TET3: variants seen among roughly 807,000 people sequenced by gnomAD.
The protein encoded by TET3 is methylcytosine dioxygenase TET3.
A neutral mutation model predicts 141.4 loss-of-function variants in TET3; 19 were observed. The observed-to-expected ratio is 0.13, with a 90% CI of 0.09 to 0.20. TET3 has a LOEUF of 0.20. TET3 is among the 10% of genes least tolerant of loss of function. The pLI is 1.00. For missense variants in TET3, 1,874 were observed against 2,356.9 expected (o/e 0.80, Z 4.24); for synonymous variants, 1,043 against 980.9 (o/e 1.06, Z -1.18).
intron 2 of TET3, among the ~76,000 whole-genome samples, chr2:74,001,711 C>G (rs770970541): frequency 3.3e-5 from 5 of 152,188 alleles, no homozygotes; most frequent in Non-Finnish European, 5.9e-5. Flanking sequence ...TCTCCCCTCT[C>G]TGTTCTTTCT....
chr2:73,990,078 C>CATT lies in TET3; in HGVS notation c.303+3374_303+3376dup, dbSNP rs558502846. ...GAATCTTTATGCATAAACAACTGTG[C>CATT]ATTAGTCTTCGAGCTGTAAAGATGC... is the stretch of plus-strand genomic sequence containing the variant. On this transcript the variant is annotated intron_variant, in intron 2 of 11. Transcript: ENST00000409262. Among the ~76,000 whole-genome samples the CATT allele has an allele frequency of 1.1e-3, 161 of 152,168 alleles. 1 individual carries two copies. Among genetic ancestry groups the CATT allele is most frequent in the Middle Eastern group, 3.4e-3 (1 of 294 alleles).
chr2:73,991,540 C>G (rs560840421), intron 2 of TET3, among the ~76,000 whole-genome samples: 3 of 152,216 alleles, frequency 2.0e-5, no homozygotes, highest in African/African-American at 7.2e-5. Flanking sequence ...GCCACTGATA[C>G]GACTGCCCTG....
intron 4 of TET3, among the ~76,000 whole-genome samples, chr2:74,061,236 C>T (rs1184965359): frequency 2.1e-5 from 3 of 140,022 alleles, no homozygotes; most frequent in Non-Finnish European, 4.7e-5. Context: ...GCTGGCCGGG[C>T]GGGGGGCTGA....
At chr2:74,116,637 A>C in the TET3 span, among the ~76,000 whole-genome samples, 8 of 150,486 alleles carry the variant, frequency 5.3e-5, no homozygotes, top group Non-Finnish European at 1.2e-4. Flanking sequence ...GTGAGCCCAG[A>C]TAGCGCCACT....
In TET3 at chr2:74,078,427, T is replaced by G. The variant is rs373797861; in HGVS notation, c.2586-2071T>G. Among the ~76,000 whole-genome samples, 264 of 152,148 alleles carry G rather than the reference T, an allele frequency of 1.7e-3. 2 individuals carry two copies. The highest frequency in any genetic ancestry group is 6.2e-3 in the African/African-American group (256 of 41,448). ...ATTATACCCACTGTCTGTAGCTTGC[T>G]TTTTCCCCCCCACTTAATTTCTTTC... On this transcript the variant is annotated intron_variant, in intron 5 of 11. Transcript: ENST00000409262.
intron 3 of TET3, among the ~76,000 whole-genome samples, chr2:74,029,970 T>G (rs1686585182): frequency 6.6e-6 from 1 of 152,240 alleles, no homozygotes; most frequent in African/African-American, 2.4e-5. Flanking sequence ...CTGCACATGT[T>G]AGTGATAGTG....
rs1270431073 is a variant in TET3, at chr2:73,986,397, C to T, written c.-7C>T. ...CCAGCACCTATGACCCCACCTCTGG[C>T]AGCATCATGAGCCAGTTTCAGGTGC... On this transcript the variant is annotated 5_prime_UTR_variant, in exon 2 of 12. Transcript: ENST00000409262. 1 of 1,232,214 alleles carries T rather than the reference C, an allele frequency of 8.1e-7. No individual in the cohort carries two copies. Among genetic ancestry groups the T allele is most frequent in the Non-Finnish European group, 1.0e-6 (1 of 988,078 alleles). 76.3% of individuals were successfully genotyped at this position (1,232,214 alleles called of 1,614,324 possible). A position where few individuals can be genotyped will look rare whatever the true frequency, so the allele number is the denominator to read the frequency against.
intron 4 of TET3, among the ~76,000 whole-genome samples, 169 bp downstream of exon 4, chr2:74,048,580 G>T (rs779939492): frequency 9.9e-5 from 15 of 152,224 alleles, no homozygotes; most frequent in Non-Finnish European, 1.8e-4. Context: ...GACATTGAAA[G>T]AAATTGACGT....
At chr2:74,097,676 T>C (rs1438445121) in intron 10 of TET3, among the ~76,000 whole-genome samples, 1 of 152,158 alleles carries the variant, frequency 6.6e-6, no homozygotes, top group East Asian at 1.9e-4. Flanking sequence ...GTAGCTACAC[T>C]GGGGAAGTTT....
At position 74,044,152 on chromosome 2, in the gene TET3, G is replaced by T. The variant is rs188333874; in HGVS notation, c.361-2126G>T. Among the ~76,000 whole-genome samples, 45 of 152,302 alleles carry T rather than the reference G, an allele frequency of 3.0e-4. No individual in the cohort carries two copies. The East Asian group carries it at 8.3e-3, about 28-fold the overall frequency. ...ACCACTGCAGGAGTTCAAGGCTGCAGTGAACTATGATCATGCCACTGAACT... is the reference window on the plus strand; with the variant it reads ...ACCACTGCAGGAGTTCAAGGCTGCATTGAACTATGATCATGCCACTGAACT... On this transcript the variant is annotated intron_variant, in intron 3 of 11. Coordinates refer to ENST00000409262, the MANE Select transcript of TET3 (RefSeq NM_001287491.2).
At chr2:74,007,774 C>T (rs1240990703) in intron 3 of TET3, among the ~76,000 whole-genome samples, 4 of 152,220 alleles carry the variant, frequency 2.6e-5, no homozygotes, top group African/African-American at 7.2e-5. Flanking sequence ...AAGTTTTTCT[C>T]AGACTAAATC....
At chr2:74,031,041 G>C (rs1490920838) in intron 3 of TET3, among the ~76,000 whole-genome samples, 2 of 152,232 alleles carry the variant, frequency 1.3e-5, no homozygotes, top group Admixed American at 6.5e-5. Context: ...AAATGTGATG[G>C]GCTTAAGTTG....
chr2:74,113,128 C>G (rs1359460096), downstream of TET3, among the ~76,000 whole-genome samples: 6 of 151,204 alleles, frequency 4.0e-5, no homozygotes, highest in Non-Finnish European at 8.8e-5. Flanking sequence ...CAGTGGCTCA[C>G]ACCTATAATC....
At chr2:74,016,551 G>C (rs761581170) in intron 3 of TET3, among the ~76,000 whole-genome samples, 1 of 151,828 alleles carries the variant, frequency 6.6e-6, no homozygotes, top group African/African-American at 2.4e-5. Flanking sequence ...GTGAAACTTT[G>C]TCTCTACTAA....
Position 74,105,777 on chromosome 2 carries a change from C to T in TET3, c.*3601C>T, listed in dbSNP as rs1691464039. ...TGTGCAAGGACGGTTGACAATGAGT[C>T]GATGATAACCTAATTTCATTGAGAG... On this transcript the variant is annotated 3_prime_UTR_variant, in exon 12 of 12. Transcript: ENST00000409262. 1.2e-5 allele frequency: 2 copies of T among 169,380 alleles called. No homozygotes were observed. The highest frequency in any genetic ancestry group is 2.5e-5 in the Non-Finnish European group (2 of 79,068). The allele number at this position is 169,380 out of a possible 1,614,324, so 10.5% of individuals were successfully genotyped here.
chr2:74,070,297 C>T (rs965021334), intron 4 of TET3, among the ~76,000 whole-genome samples: 4 of 152,184 alleles, frequency 2.6e-5, no homozygotes, highest in African/African-American at 7.2e-5. Context: ...GCATGTCTTA[C>T]ATGGCAGCAG....
chr2:74,067,338 G>T (rs544616387), intron 4 of TET3, among the ~76,000 whole-genome samples: 2 of 152,198 alleles, frequency 1.3e-5, no homozygotes, highest in Admixed American at 6.5e-5. Flanking sequence ...GCTCATAAAG[G>T]TTGTGTAATT....
chr2:74,049,613 T>C (rs2103715995), intron 4 of TET3, among the ~76,000 whole-genome samples: 1 of 152,274 alleles, frequency 6.6e-6, no homozygotes, highest in Admixed American at 6.5e-5. Flanking sequence ...TGTGATTTTG[T>C]GATACACAGA....
At chr2:74,024,302 G>T (rs1485227459) in intron 3 of TET3, among the ~76,000 whole-genome samples, 1 of 152,230 alleles carries the variant, frequency 6.6e-6, no homozygotes, top group Non-Finnish European at 1.5e-5. Context: ...ACTTGTGCAG[G>T]TGTGTTGCTG....
Sources: allele counts gnomAD v4.1 joint callset (sites outside exome capture counted in the v4.1 genomes callset), GRCh38; gene constraint gnomAD v4.1.1; transcripts MANE v1.5; gene names NCBI Gene and HGNC (gene_info 2026-07-23, HGNC 2026-07-21).